Variants in SEMA4B observed in about 807,000 individuals in gnomAD.
SEMA4B encodes semaphorin-4B.
A neutral mutation model predicts 88.1 loss-of-function variants in SEMA4B; 55 were observed. That is an observed-to-expected ratio of 0.62 (90% CI 0.50 to 0.78). The LOEUF (loss-of-function observed/expected upper bound fraction) is 0.78. Ranked by LOEUF, SEMA4B falls within the 30% of genes least tolerant of loss-of-function variation. The pLI is 0.00. For missense variants in SEMA4B, 1,062 were observed against 1,111.9 expected (o/e 0.96, Z 0.64); for synonymous variants, 525 against 473.6 (o/e 1.11, Z -1.41).
chr15:90,208,925 A>G (rs1961124377), intron 1 of SEMA4B, among the ~76,000 whole-genome samples: 1 of 151,940 alleles, frequency 6.6e-6, no homozygotes, highest in Admixed American at 6.6e-5. Context: ...CATTCTTGGT[A>G]GAGACAGGGT....
At chr15:90,208,423 C>T (rs371354170) in intron 1 of SEMA4B, among the ~76,000 whole-genome samples, 3 of 152,132 alleles carry the variant, frequency 2.0e-5, no homozygotes, top group African/African-American at 7.2e-5. Flanking sequence ...TGAAAAAGGG[C>T]TAGAGTAAAA....
intron 1 of SEMA4B, among the ~76,000 whole-genome samples, chr15:90,194,606 G>A (rs1206567347): frequency 2.0e-5 from 3 of 151,754 alleles, no homozygotes; most frequent in African/African-American, 4.8e-5. Flanking sequence ...ATTGGGCTCC[G>A]TTTGTGACTC....
chr15:90,228,490 C>T lies in SEMA4B; in HGVS notation c.2361C>T (p.Tyr787=), dbSNP rs532397955. 14 of 1,610,866 alleles carry T rather than the reference C, an allele frequency of 8.7e-6. 1 individual carries two copies. The African/African-American group carries it at 1.6e-4, about 18-fold the overall frequency. Residue 787 remains tyrosine, a synonymous_variant, in exon 14 of 14, where the codon TAC becomes TAT. Transcript: ENST00000411539. ...PPSTPLDHRG[Y]QSLSDSPPGS... ...GCACCCCGCTCGATCACCGAGGGTA[C>T]CAGTCCCTGTCAGACAGCCCCCCGG...
At chr15:90,206,984 TC>T in intron 1 of SEMA4B, 4 of 486,532 alleles carry the variant, frequency 8.2e-6, no homozygotes, top group Non-Finnish European at 1.1e-5. Flanking sequence ...TATCTTTGGC[TC>T]ACAAAAAAAA....
Position 90,228,913 on chromosome 15 carries a change from C to T in SEMA4B, c.*270C>T. 1.8e-6 allele frequency: 1 copy of T among 558,528 alleles called. No homozygotes were observed. Among genetic ancestry groups the T allele is most frequent in the Non-Finnish European group, 3.2e-6 (1 of 314,458 alleles). The allele number at this position is 558,528 out of a possible 1,614,324, so 34.6% of individuals were successfully genotyped here. A position where few individuals can be genotyped will look rare whatever the true frequency, so the allele number is the denominator to read the frequency against. Reference sequence around the variant, plus strand: ...AACAGTGCTCCTTATGTAAACTGAGCCCTTTGTTTAAAAAACAATTCCAAA... The same window carrying T: ...AACAGTGCTCCTTATGTAAACTGAGTCCTTTGTTTAAAAAACAATTCCAAA... On this transcript the variant is annotated 3_prime_UTR_variant, in exon 14 of 14. Coordinates refer to ENST00000411539, the MANE Select transcript of SEMA4B (RefSeq NM_198925.4).
chr15:90,211,540 C>T (rs1357192233), intron 1 of SEMA4B, among the ~76,000 whole-genome samples: 1 of 152,210 alleles, frequency 6.6e-6, no homozygotes, highest in Non-Finnish European at 1.5e-5. Context: ...GAAGAAGTGG[C>T]TGCCCTGCCC....
At chr15:90,189,121 T>TG (rs904306638) in intron 1 of SEMA4B, among the ~76,000 whole-genome samples, 9 of 137,054 alleles carry the variant, frequency 6.6e-5, no homozygotes, top group South Asian at 2.3e-4. Context: ...AAGAAGGAAG[T>TG]GGGGGGGAGG....
At chr15:90,215,370 C>T (rs937367810) in intron 1 of SEMA4B, among the ~76,000 whole-genome samples, 8 of 151,652 alleles carry the variant, frequency 5.3e-5, no homozygotes, top group African/African-American at 1.7e-4. Context: ...TGTGATACAT[C>T]CTTCTGGATT....
In SEMA4B at chr15:90,225,727, A is replaced by C. The variant is rs908044; in HGVS notation, c.1588A>C (p.Arg530=). The change falls in exon 12 of 14, where the codon AGG becomes CGG. Residue 530 remains arginine, a synonymous_variant. Transcript: ENST00000411539. The part of the protein sequence containing the change: ...QVPMANCSLY[R]SCGDCLLARD... ...GCCCATGGCCAACTGCAGCCTGTAC[A>C]GGAGCTGTGGGGACTGCCTCCTCGC... 0.35 allele frequency: 547,786 copies of C among 1,570,694 alleles called. 102,304 individuals are homozygous for C. The highest frequency in any genetic ancestry group is 0.66 in the African/African-American group (48,665 of 73,518).
chr15:90,217,599 G>C lies in SEMA4B; in HGVS notation c.318G>C (p.Gln106His). 2 of 1,613,674 alleles carry C rather than the reference G, an allele frequency of 1.2e-6. No individual in the cohort carries two copies. The highest frequency in any genetic ancestry group is 1.7e-6 in the Non-Finnish European group (2 of 1,179,676). The change falls in exon 2 of 14, where the codon CAG becomes CAC. Residue 106 changes from glutamine (Q) to histidine (H), a missense_variant. Coordinates refer to ENST00000411539, the MANE Select transcript of SEMA4B (RefSeq NM_198925.4). Reference sequence around the variant, plus strand: ...GCTTCCTGCCAGGCGGGGAGTACCAGGAGGTGAGAGATGTTGCCTGGAGCT... The same window carrying C: ...GCTTCCTGCCAGGCGGGGAGTACCACGAGGTGAGAGATGTTGCCTGGAGCT... ...NLSFLPGGEYQELLWGADAEK... is the reference protein window; with the variant it reads ...NLSFLPGGEYHELLWGADAEK...
chr15:90,217,841 C>T lies in SEMA4B; in HGVS notation c.384+12C>T, dbSNP rs754359130. ...GCAAGGACCCACAGGTGAGCCCACA[C>T]CTGGAAGGGAGCTGAGCTGCAGGAG... On this transcript the variant is annotated intron_variant, in intron 3 of 13. Transcript: ENST00000411539. 7 of 1,608,728 alleles carry T rather than the reference C, an allele frequency of 4.4e-6. No individual in the cohort carries two copies. In the South Asian group the frequency reaches 6.6e-5, roughly 15 times the overall value.
chr15:90,207,914 G>C (rs545576799), intron 1 of SEMA4B, among the ~76,000 whole-genome samples: 1 of 152,276 alleles, frequency 6.6e-6, no homozygotes, highest in South Asian at 2.1e-4. Flanking sequence ...GTGGGCCACA[G>C]CCAGCCTGGA....
chr15:90,194,447 G>T (rs1007984631), intron 1 of SEMA4B, among the ~76,000 whole-genome samples: 1 of 151,974 alleles, frequency 6.6e-6, no homozygotes, highest in Non-Finnish European at 1.5e-5. Flanking sequence ...CAGGAGAATC[G>T]CTTGAACCCA....
chr15:90,190,466 C>T (rs890976981), intron 1 of SEMA4B: 2 of 152,312 alleles, frequency 1.3e-5, no homozygotes, highest in Admixed American at 6.5e-5. Context: ...AGAGTGGCAG[C>T]CACCAGGTGA....
Position 90,201,519 on chromosome 15 carries a change from G to A in SEMA4B, c.-60G>A, listed in dbSNP as rs1960724087. The A allele has an allele frequency of 8.2e-6, 11 of 1,339,440 alleles. No homozygotes were observed. Among genetic ancestry groups the A allele is most frequent in the East Asian group, 6.2e-5 (2 of 32,016 alleles). 83.0% of individuals were successfully genotyped at this position (1,339,440 alleles called of 1,614,324 possible). A position where few individuals can be genotyped will look rare whatever the true frequency, so the allele number is the denominator to read the frequency against. On this transcript the variant is annotated 5_prime_UTR_variant, in exon 1 of 14. In the 5' UTR this introduces an upstream ATG that the reference lacks. Coordinates refer to ENST00000411539, the MANE Select transcript of SEMA4B (RefSeq NM_198925.4). ...GGACCGCGGGGCGGAGCTGCCGCCCGTGAGTCCGGCCGAGCCACCTGAGCC... is the reference window on the plus strand; with the variant it reads ...GGACCGCGGGGCGGAGCTGCCGCCCATGAGTCCGGCCGAGCCACCTGAGCC...
In SEMA4B at chr15:90,228,605, G is replaced by A. The variant is rs748353861; in HGVS notation, c.2476G>A (p.Val826Ile). Residue 826 changes from valine to isoleucine, a missense_variant, in exon 14 of 14, where the codon GTC (valine) becomes ATC (isoleucine). Coordinates refer to ENST00000411539, the MANE Select transcript of SEMA4B (RefSeq NM_198925.4). ...ATCCCCAGTGTGCCCCCGGCCCCGG[G>A]TCCGCCTTGGCTCGGAGATCCGTGA... ...EVSPVCPRPR[V>I]RLGSEIRDSV... 6.2e-7 allele frequency: 1 copy of A among 1,613,512 alleles called. No individual in the cohort carries two copies. The highest frequency in any genetic ancestry group is 8.5e-7 in the Non-Finnish European group (1 of 1,179,894).
intron 1 of SEMA4B, among the ~76,000 whole-genome samples, chr15:90,211,321 A>G (rs945628764): frequency 5.3e-5 from 8 of 152,152 alleles, no homozygotes; most frequent in East Asian, 1.9e-4. Flanking sequence ...GGCTGTAGCA[A>G]TGGCTTTCCG....
rs758129219 is a variant in SEMA4B, at chr15:90,217,501, C to T, written c.220C>T (p.Leu74=). ...ACACATCTCCAACTACACAGCCCTT[C>T]TGCTGAGCAGGGATGGCAGGACCCT... ...AEHISNYTAL[L]LSRDGRTLYV... Residue 74 remains leucine, a synonymous_variant, in exon 2 of 14, where the codon CTG becomes TTG. Coordinates refer to ENST00000411539, the MANE Select transcript of SEMA4B (RefSeq NM_198925.4). 6 of 1,613,978 alleles carry T rather than the reference C, an allele frequency of 3.7e-6. No homozygotes were observed. The Admixed American group carries it at 1.0e-4, about 27-fold the overall frequency.
chr15:90,218,598 G>A (rs992238283), intron 3 of SEMA4B, among the ~76,000 whole-genome samples: 2 of 152,156 alleles, frequency 1.3e-5, no homozygotes, highest in Non-Finnish European at 2.9e-5. Flanking sequence ...TCTCCTGAGT[G>A]TCTCAGGAGT....
Sources: allele counts gnomAD v4.1 joint callset (sites outside exome capture counted in the v4.1 genomes callset), GRCh38; gene constraint gnomAD v4.1.1; transcripts MANE v1.5; gene names NCBI Gene and HGNC (gene_info 2026-07-23, HGNC 2026-07-21).